Variants in CAST observed in about 807,000 individuals in gnomAD.
The protein encoded by CAST is MIR583 host.
A neutral mutation model predicts 119.6 loss-of-function variants in CAST; 76 were observed. The ratio of observed to expected loss-of-function variants is 0.64; its 90% CI spans 0.53 to 0.77. CAST has a LOEUF of 0.77. Ranked by LOEUF, CAST falls within the 30% of genes least tolerant of loss-of-function variation. CAST has a pLI of 0.00. For synonymous variants in CAST, 319 were observed against 331.6 expected (o/e 0.96, Z 0.41); for missense variants, 953 against 946.5 (o/e 1.01, Z -0.09).
At chr5:96,401,171 A>G in the CAST span, among the ~76,000 whole-genome samples, 1 of 151,500 alleles carries the variant, frequency 6.6e-6, no homozygotes, top group African/African-American at 2.4e-5. Flanking sequence ...GGTGAGTGCT[A>G]TATTCATAGC....
At chr5:96,750,181 A>G (rs904736731) in intron 19 of CAST, among the ~76,000 whole-genome samples, 1 of 152,232 alleles carries the variant, frequency 6.6e-6, no homozygotes, top group African/African-American at 2.4e-5. Flanking sequence ...GTTATACATA[A>G]TGACAAATAA....
rs144633007 is a variant in CAST, at chr5:96,532,366, G to A, written c.60+2486G>A. 6.9e-3 allele frequency among the ~76,000 whole-genome samples: 1,051 copies of A among 152,134 alleles called. 23 individuals are homozygous for A. Among genetic ancestry groups the A allele is most frequent in the African/African-American group, 0.024 (1,000 of 41,500 alleles). On this transcript the variant is annotated intron_variant, in intron 1 of 11. Coordinates refer to the CAST transcript ENST00000505143. ...TAGCATCACTAAGGGTATAAACAAG[G>A]TCTGAAATTCTTTCACAATCAGGGT...
the CAST span, among the ~76,000 whole-genome samples, chr5:96,488,416 T>C: frequency 6.6e-6 from 1 of 152,256 alleles, no homozygotes; most frequent in Non-Finnish European, 1.5e-5. Context: ...GAACCTCCTC[T>C]TCCCTTATTT....
chr5:96,582,144 C>G (rs1369518592), intron 1 of CAST, among the ~76,000 whole-genome samples: 1 of 152,086 alleles, frequency 6.6e-6, no homozygotes, highest in East Asian at 1.9e-4. Context: ...CCTTCTGACT[C>G]TAAAACATAT....
chr5:96,295,616 C>T, the CAST span, among the ~76,000 whole-genome samples: 1 of 152,182 alleles, frequency 6.6e-6, no homozygotes, highest in Non-Finnish European at 1.5e-5. Flanking sequence ...ATGTTCGTAT[C>T]GACCTACGAT....
chr5:96,420,477 G>A, the CAST span, among the ~76,000 whole-genome samples: 1 of 152,070 alleles, frequency 6.6e-6, no homozygotes, highest in Non-Finnish European at 1.5e-5. Context: ...CACCTCTAAG[G>A]GATATTTGCG....
the CAST span, among the ~76,000 whole-genome samples, chr5:96,517,559 T>C: frequency 6.6e-5 from 10 of 152,210 alleles, no homozygotes; most frequent in Non-Finnish European, 1.2e-4. Context: ...GGAGGATACA[T>C]AAATGGAGCT....
chr5:96,345,055 G>A, the CAST span, among the ~76,000 whole-genome samples: 1 of 152,100 alleles, frequency 6.6e-6, no homozygotes, highest in African/African-American at 2.4e-5. Context: ...AATTCAATTT[G>A]TATTTTGCAC....
intron 29 of CAST, 35 bp downstream of exon 29, chr5:96,768,034 G>A (rs748640153): frequency 1.7e-6 from 2 of 1,194,594 alleles, no homozygotes; most frequent in African/African-American, 1.5e-5. Flanking sequence ...TCTTTGAAAT[G>A]TGTGTGTGTG....
At chr5:95,982,589 T>G in the CAST span, among the ~76,000 whole-genome samples, 1 of 152,204 alleles carries the variant, frequency 6.6e-6, no homozygotes, top group Non-Finnish European at 1.5e-5. Flanking sequence ...ACTTAATGGG[T>G]TGTTGGGCAT....
At chr5:96,393,090 C>A in the CAST span, 1 of 1,613,990 alleles carries the variant, frequency 6.2e-7, no homozygotes, top group African/African-American at 1.3e-5. Context: ...AAAACATCAA[C>A]ATAGTCATTA....
the CAST span, among the ~76,000 whole-genome samples, chr5:96,168,627 A>G: frequency 6.0e-4 from 91 of 152,288 alleles, no homozygotes; most frequent in Admixed American, 1.0e-3. Context: ...GCCTGGTGGA[A>G]CTGCCATCAA....
At chr5:96,296,258 G>A in the CAST span, among the ~76,000 whole-genome samples, 10 of 152,042 alleles carry the variant, frequency 6.6e-5, no homozygotes, top group African/African-American at 2.2e-4. Flanking sequence ...TCTACATCAT[G>A]GTCTTTTCAC....
chr5:96,373,282 G>A, the CAST span, among the ~76,000 whole-genome samples: 1 of 152,148 alleles, frequency 6.6e-6, no homozygotes, highest in Non-Finnish European at 1.5e-5. Flanking sequence ...AGATGACAGA[G>A]GGCACCAAGG....
chr5:96,106,742 C>A, the CAST span, among the ~76,000 whole-genome samples: 1 of 151,844 alleles, frequency 6.6e-6, no homozygotes, highest in Non-Finnish European at 1.5e-5. Flanking sequence ...ATTAGGTCCA[C>A]TTGGTGCAGA....
intron 1 of CAST, among the ~76,000 whole-genome samples, chr5:96,603,531 C>A (rs1747196919): frequency 6.6e-6 from 1 of 152,170 alleles, no homozygotes; most frequent in African/African-American, 2.4e-5. Context: ...CTGAGCTCTT[C>A]AGGGGCAATA....
chr5:96,108,835 T>C, the CAST span, among the ~76,000 whole-genome samples: 3 of 152,232 alleles, frequency 2.0e-5, no homozygotes, highest in Non-Finnish European at 4.4e-5. Flanking sequence ...TGCTGCCACC[T>C]TGCAGTTGGA....
chr5:96,723,212 A>G (rs1212102952), intron 4 of CAST, among the ~76,000 whole-genome samples: 1 of 151,984 alleles, frequency 6.6e-6, no homozygotes, highest in Non-Finnish European at 1.5e-5. Context: ...CAGTCCTTCC[A>G]CCTGGGCCTC....
the CAST span, among the ~76,000 whole-genome samples, chr5:96,347,681 C>T: frequency 6.6e-6 from 1 of 152,228 alleles, no homozygotes; most frequent in East Asian, 1.9e-4. Context: ...GTGAGTCAGC[C>T]TTATCATCCC....
Sources: gnomAD v4.1 joint callset for allele counts (sites outside exome capture counted in the v4.1 genomes callset) on GRCh38, gnomAD v4.1.1 for gene constraint, MANE v1.5 for transcripts, NCBI Gene and HGNC (gene_info 2026-07-23, HGNC 2026-07-21) for gene names.